Variants in TRMT11 observed in about 807,000 individuals in gnomAD.
TRMT11 encodes tRNA (guanine(10)-N(2))-methyltransferase TRMT11.
In TRMT11, 53 loss-of-function variants were observed where a neutral mutation model predicts 62.8. That is an observed-to-expected ratio of 0.84 (90% confidence interval 0.68 to 1.06). The LOEUF (loss-of-function observed/expected upper bound fraction) is 1.06, where lower values mean the gene tolerates loss of function less well. TRMT11 is among the 50% of genes least tolerant of loss of function. The pLI is 0.00. For missense variants in TRMT11, 556 were observed against 553.4 expected (o/e 1.00, Z -0.05); for synonymous variants, 188 against 190.3 (o/e 0.99, Z 0.10).
At chr6:126,034,278 T>C (rs1484862781) in intron 12 of TRMT11, among the ~76,000 whole-genome samples, 1 of 152,194 alleles carries the variant, frequency 6.6e-6, no homozygotes, top group Non-Finnish European at 1.5e-5. Flanking sequence ...AAAATTTAGA[T>C]GATACTTTTC....
chr6:126,094,180 G>A (rs901222247), intron 17 of TRMT11, among the ~76,000 whole-genome samples: 3 of 151,888 alleles, frequency 2.0e-5, no homozygotes, highest in Admixed American at 6.6e-5. Context: ...AAATGACTGG[G>A]GTGTATTCTC....
At chr6:126,193,488 G>GTTTT (rs1778627491) in intron 1 of TRMT11, among the ~76,000 whole-genome samples, 52 of 118,114 alleles carry the variant, frequency 4.4e-4, no homozygotes, top group African/African-American at 1.9e-3. Context: ...GAGCGTTTCT[G>GTTTT]TATTTTTTTT....
intron 1 of TRMT11, among the ~76,000 whole-genome samples, chr6:126,194,962 A>G (rs1778648019): frequency 6.6e-6 from 1 of 152,132 alleles, no homozygotes; most frequent in Non-Finnish European, 1.5e-5. Context: ...AAAAAATAAA[A>G]AAAATTAGCT....
At chr6:126,197,735 A>G (rs1055833340) in intron 1 of TRMT11, among the ~76,000 whole-genome samples, 13 of 152,204 alleles carry the variant, frequency 8.5e-5, no homozygotes, top group Non-Finnish European at 1.8e-4. Context: ...GGAATGCAAT[A>G]AGGACACAAA....
exon 4 of TRMT11, chr6:126,202,225 G>A (rs1778741076): frequency 6.6e-6 from 1 of 152,148 alleles, no homozygotes; most frequent in African/African-American, 2.4e-5. Flanking sequence ...GATGGATAAA[G>A]TAAAGATAAG....
chr6:126,069,155 GC>G (rs1776775364), intron 17 of TRMT11, among the ~76,000 whole-genome samples: 1 of 152,216 alleles, frequency 6.6e-6, no homozygotes, highest in Non-Finnish European at 1.5e-5. Flanking sequence ...CCTTGGCTTT[GC>G]CTTAACCACC....
At chr6:126,059,050 T>C (rs1298172924) in intron 17 of TRMT11, among the ~76,000 whole-genome samples, 1 of 149,884 alleles carries the variant, frequency 6.7e-6, no homozygotes, top group East Asian at 1.9e-4. Flanking sequence ...CTTATCTTTT[T>C]TTTTTTTTTT....
At chr6:126,036,962 C>T (rs904822952) in intron 12 of TRMT11, among the ~76,000 whole-genome samples, 1 of 151,978 alleles carries the variant, frequency 6.6e-6, no homozygotes, top group Admixed American at 6.6e-5. Context: ...TACACCTCCT[C>T]TTGATATGAA....
intron 21 of TRMT11, among the ~76,000 whole-genome samples, chr6:126,131,966 A>G (rs1269137500): frequency 6.6e-6 from 1 of 152,034 alleles, no homozygotes; most frequent in Non-Finnish European, 1.5e-5. Flanking sequence ...CATAATGACT[A>G]GGGTCATTTA....
intron 17 of TRMT11, among the ~76,000 whole-genome samples, chr6:126,085,366 A>C (rs948732573): frequency 6.6e-6 from 1 of 152,178 alleles, no homozygotes; most frequent in Non-Finnish European, 1.5e-5. Context: ...ACTCTAGATC[A>C]TTAGTTATTT....
chr6:126,267,599 T>C, the TRMT11 span, among the ~76,000 whole-genome samples: 1 of 152,234 alleles, frequency 6.6e-6, no homozygotes, highest in South Asian at 2.1e-4. Flanking sequence ...TTTACCATAG[T>C]GAAAGAATTC....
At chr6:126,096,309 T>C (rs1020806930) in intron 17 of TRMT11, among the ~76,000 whole-genome samples, 3 of 152,168 alleles carry the variant, frequency 2.0e-5, no homozygotes, top group Non-Finnish European at 4.4e-5. Context: ...TTCAGGCTTC[T>C]CTGGGATCTG....
At chr6:126,057,428 A>G (rs1776404254) in intron 17 of TRMT11, among the ~76,000 whole-genome samples, 1 of 152,230 alleles carries the variant, frequency 6.6e-6, no homozygotes, top group African/African-American at 2.4e-5. Context: ...CACTGATTGT[A>G]TTAGCTGCCC....
intron 17 of TRMT11, among the ~76,000 whole-genome samples, chr6:126,091,041 C>T (rs560575228): frequency 1.8e-4 from 27 of 152,210 alleles, no homozygotes; most frequent in South Asian, 8.3e-4. Flanking sequence ...GAAACCCAGT[C>T]TCTACTAAAA....
the TRMT11 span, among the ~76,000 whole-genome samples, chr6:126,241,488 C>CA: frequency 8.9e-4 from 135 of 151,998 alleles, no homozygotes; most frequent in African/African-American, 2.7e-3. Flanking sequence ...AGAGACACAA[C>CA]AAAAAAAGAG....
intron 21 of TRMT11, among the ~76,000 whole-genome samples, chr6:126,136,958 C>T (rs1359322577): frequency 6.8e-6 from 1 of 147,738 alleles, no homozygotes; most frequent in Non-Finnish European, 1.5e-5. Context: ...AAAAAAAAGA[C>T]CCCTACCTTT....
intron 12 of TRMT11, among the ~76,000 whole-genome samples, chr6:126,026,187 C>T (rs1249343309): frequency 6.6e-6 from 1 of 152,052 alleles, no homozygotes; most frequent in Non-Finnish European, 1.5e-5. Context: ...TTATTAATTT[C>T]CCCATTTTAG....
chr6:126,222,997 A>G, the TRMT11 span, among the ~76,000 whole-genome samples: 3 of 151,604 alleles, frequency 2.0e-5, no homozygotes, highest in Non-Finnish European at 4.4e-5. Flanking sequence ...TCACTTAAAA[A>G]CCTTGTAAGG....
rs553403237 is a variant in TRMT11 at position 126,064,380 on chromosome 6, A to G, written c.*1437+11190A>G. On this transcript the variant is annotated intron_variant and NMD_transcript_variant, in intron 17 of 22. Coordinates refer to the TRMT11 transcript ENST00000648977. ...AGCTCCAGAAGGATTAGTACCTTCT[A>G]TTCTCAAAACAGGATTCAAATAAAT... 1.2e-4 allele frequency among the ~76,000 whole-genome samples: 19 copies of G among 152,276 alleles called. No individual in the cohort carries two copies. In the East Asian group the frequency reaches 2.7e-3, roughly 22 times the overall value.
Sources: allele counts gnomAD v4.1 joint callset (sites outside exome capture counted in the v4.1 genomes callset), GRCh38; gene constraint gnomAD v4.1.1; transcripts MANE v1.5; gene names NCBI Gene and HGNC (gene_info 2026-07-23, HGNC 2026-07-21).